The following S100A8 variants were observed in gnomAD, a reference collection of about 807,000 sequenced individuals.
S100A8 encodes protein S100-A8.
In S100A8, 1 loss-of-function variant was observed where a neutral mutation model predicts 4.2. The ratio of observed to expected loss-of-function variants is 0.24; its 90% confidence interval spans 0.08 to 1.12. S100A8 has a LOEUF of 1.12. Among genes scored for constraint, S100A8 ranks in the 50% most tolerant of loss-of-function variants. The pLI is 0.53. For synonymous variants in S100A8, 41 were observed against 44.7 expected, an observed-to-expected ratio of 0.92 and a Z score of 0.33; for missense variants, 96 against 111.8, an observed-to-expected ratio of 0.86 and a Z score of 0.64.
chr1:153,391,266 A>G, upstream of S100A8: 1 of 935,078 alleles, frequency 1.1e-6, no homozygotes, highest in Non-Finnish European at 1.3e-6. Context: ...AGAGGAAGGC[A>G]TTTGCTGGGC....
At chr1:153,420,601 C>T in the S100A8 span, 10 of 152,356 alleles carry the variant, frequency 6.6e-5, no homozygotes, top group African/African-American at 2.4e-4. Context: ...CACAGACCAG[C>T]ATCTCCTCTC....
the S100A8 span, among the ~76,000 whole-genome samples, chr1:153,411,737 C>A: frequency 6.6e-6 from 1 of 152,178 alleles, no homozygotes; most frequent in African/African-American, 2.4e-5. Flanking sequence ...AACTATACTA[C>A]AAGGCTACAG....
chr1:153,416,340 G>A, the S100A8 span, among the ~76,000 whole-genome samples: 7 of 152,322 alleles, frequency 4.6e-5, no homozygotes, highest in South Asian at 4.1e-4. Context: ...CTGGGGTGGG[G>A]TGGGACCTGG....
At chr1:153,402,985 G>T in the S100A8 span, among the ~76,000 whole-genome samples, 1 of 151,994 alleles carries the variant, frequency 6.6e-6, no homozygotes. Context: ...TTTATTCTGT[G>T]ACAAAAGTGG....
At chr1:153,399,091 G>A in the S100A8 span, among the ~76,000 whole-genome samples, 1 of 152,172 alleles carries the variant, frequency 6.6e-6, no homozygotes, top group Non-Finnish European at 1.5e-5. Context: ...ACCTGTCACT[G>A]TTGGGGTGAG....
At chr1:153,400,108 G>A in the S100A8 span, among the ~76,000 whole-genome samples, 2 of 152,088 alleles carry the variant, frequency 1.3e-5, no homozygotes, top group Admixed American at 6.5e-5. Context: ...TGCCAAACAC[G>A]CATCTCCCAC....
the S100A8 span, chr1:153,418,254 T>C: frequency 5.6e-6 from 9 of 1,605,606 alleles, no homozygotes; most frequent in Non-Finnish European, 6.8e-6. Context: ...TCAATGTTGG[T>C]TGGACCCTGG....
At chr1:153,418,239 G>T in the S100A8 span, 3 of 1,613,830 alleles carry the variant, frequency 1.9e-6, no homozygotes, top group Non-Finnish European at 2.5e-6. Context: ...TTGGGGTCTA[G>T]CTTCTCAATG....
At chr1:153,396,179 G>C in the S100A8 span, among the ~76,000 whole-genome samples, 2 of 152,214 alleles carry the variant, frequency 1.3e-5, no homozygotes, top group Non-Finnish European at 2.9e-5. Flanking sequence ...GGAATAAGCT[G>C]TGTCTCCTCC....
the S100A8 span, among the ~76,000 whole-genome samples, chr1:153,411,252 T>C: frequency 6.6e-6 from 1 of 152,190 alleles, no homozygotes; most frequent in East Asian, 1.9e-4. Context: ...GCCCAAAATC[T>C]CCTTAAGCTG....
the S100A8 span, chr1:153,417,109 C>T: frequency 6.6e-6 from 1 of 152,462 alleles, no homozygotes; most frequent in Admixed American, 6.5e-5. Flanking sequence ...GAGCTTTCTC[C>T]TGCGTTGAGA....
At chr1:153,404,649 C>A in the S100A8 span, among the ~76,000 whole-genome samples, 1 of 148,766 alleles carries the variant, frequency 6.7e-6, no homozygotes, top group Non-Finnish European at 1.5e-5. Flanking sequence ...ATTTTTATCT[C>A]TTCCTGTTTC....
the S100A8 span, among the ~76,000 whole-genome samples, chr1:153,415,118 T>C: frequency 7.2e-5 from 11 of 152,148 alleles, no homozygotes; most frequent in Non-Finnish European, 1.5e-4. Context: ...ATTCTTTTTA[T>C]GGTTGAGTAG....
At chr1:153,404,636 A>G in the S100A8 span, among the ~76,000 whole-genome samples, 2 of 151,380 alleles carry the variant, frequency 1.3e-5, no homozygotes, top group South Asian at 4.2e-4. Flanking sequence ...TAAAAATTTA[A>G]TTATTTTTAT....
At chr1:153,404,267 A>G in the S100A8 span, among the ~76,000 whole-genome samples, 21,759 of 152,020 alleles carry the variant, frequency 0.14, 1,756 homozygotes, top group African/African-American at 0.23. Context: ...ATTTAGGCAT[A>G]GTTGATTAAA....
the S100A8 span, chr1:153,419,546 G>A: frequency 5.3e-6 from 3 of 567,824 alleles, no homozygotes; most frequent in African/African-American, 3.8e-5. Flanking sequence ...TCTCACACAG[G>A]TCCTGGTGTC....
At chr1:153,417,972 G>T in the S100A8 span, 1 of 1,493,892 alleles carries the variant, frequency 6.7e-7, no homozygotes, top group Non-Finnish European at 9.1e-7. Flanking sequence ...TCTTAGGGCT[G>T]TTTTTACTCT....
At chr1:153,418,285 G>T in the S100A8 span, 1 of 1,605,802 alleles carries the variant, frequency 6.2e-7, no homozygotes, top group Non-Finnish European at 8.5e-7. Context: ...GATACATTTT[G>T]CTATGTGGCC....
At chr1:153,404,897 A>G in the S100A8 span, among the ~76,000 whole-genome samples, 1 of 152,010 alleles carries the variant, frequency 6.6e-6, no homozygotes, top group African/African-American at 2.4e-5. Flanking sequence ...TCCGGCGACA[A>G]CCAGGGCGAG....
Sources: gnomAD v4.1 joint callset for allele counts (sites outside exome capture counted in the v4.1 genomes callset) on GRCh38, gnomAD v4.1.1 for gene constraint, MANE v1.5 for transcripts, NCBI Gene and HGNC (gene_info 2026-07-23, HGNC 2026-07-21) for gene names.